VCAN: variants seen among roughly 807,000 people sequenced by gnomAD.
VCAN encodes versican core protein.
VCAN carries 44 observed loss-of-function variants against 245.5 expected under a neutral mutation model. That is an observed-to-expected ratio of 0.18 (90% CI 0.14 to 0.23). The LOEUF (loss-of-function observed/expected upper bound fraction) is 0.23, where lower values mean the gene tolerates loss of function less well. Ranked by LOEUF, VCAN falls within the 10% of genes least tolerant of loss-of-function variation. The probability of loss-of-function intolerance (pLI) is 1.00; values close to 1 mark genes in which losing one functional copy is unlikely to be tolerated. For synonymous variants in VCAN, 1,413 were observed against 1,437.0 expected, an observed-to-expected ratio of 0.98 and a Z score of 0.38; for missense variants, 3,793 against 4,057.9, an observed-to-expected ratio of 0.93 and a Z score of 1.77.
At chr5:83,548,172 G>A (rs1010382087) in intron 10 of VCAN, 88 bp downstream of exon 10, 6 of 947,844 alleles carry the variant, frequency 6.3e-6, no homozygotes, top group Non-Finnish European at 1.0e-5. Flanking sequence ...TCCTGCAGTG[G>A]AAATTCACAT....
rs747315508 is a variant in VCAN, at chr5:83,539,419, T to C, written c.6416T>C (p.Ile2139Thr). The change falls in exon 8 of 15, where the codon ATC becomes ACC. Residue 2139 changes from isoleucine (I) to threonine (T), a missense_variant. Ile to Thr is a moderately conservative substitution (Grantham distance 89). Transcript: ENST00000265077. The part of the protein sequence containing the change: ...PQNSPATEQT[I>T]FDSQTFTETE... Reference sequence around the variant, plus strand: ...AACTCTCCTGCAACAGAACAAACAATCTTTGATTCACAGACATTTACTGAA... The same window carrying C: ...AACTCTCCTGCAACAGAACAAACAACCTTTGATTCACAGACATTTACTGAA... 15 of 1,613,646 alleles carry C rather than the reference T, an allele frequency of 9.3e-6. No homozygotes were observed. Among genetic ancestry groups the C allele is most frequent in the Admixed American group, 3.3e-5 (2 of 59,886 alleles).
Position 83,582,190 on chromosome 5 carries a change from G to A in VCAN, c.*1756G>A, listed in dbSNP as rs1165505906. The A allele has an allele frequency of 6.6e-6, 1 of 152,190 alleles. No homozygotes were observed. The highest frequency in any genetic ancestry group is 1.9e-4 in the East Asian group (1 of 5,180). The allele number at this position is 152,190 out of a possible 1,614,324, so 9.4% of individuals were successfully genotyped here. On this transcript the variant is annotated 3_prime_UTR_variant, in exon 15 of 15. Coordinates refer to ENST00000265077, the MANE Select transcript of VCAN (RefSeq NM_004385.5). ...CTTTCCTGTATTTATATCATAACGT[G>A]TATAGTGTAAAATGTGAATGACTTT...
At chr5:83,559,322 T>C (rs1287587124) in intron 12 of VCAN, among the ~76,000 whole-genome samples, 1 of 152,164 alleles carries the variant, frequency 6.6e-6, no homozygotes, top group African/African-American at 2.4e-5. Flanking sequence ...ACCTTTCCCT[T>C]CCCTGGCTAT....
chr5:83,528,098 C>T (rs1300320538), intron 7 of VCAN, among the ~76,000 whole-genome samples: 1 of 152,190 alleles, frequency 6.6e-6, no homozygotes, highest in African/African-American at 2.4e-5. Flanking sequence ...ATAGGCTGTG[C>T]TCCAAAGGCA....
chr5:83,578,782 T>A (rs1406574615), intron 13 of VCAN, among the ~76,000 whole-genome samples: 1 of 152,076 alleles, frequency 6.6e-6, no homozygotes, highest in African/African-American at 2.4e-5. Context: ...AATAGAAATT[T>A]CCACTTAGGG....
intron 5 of VCAN, 29 bp downstream of exon 5, chr5:83,493,960 T>G (rs1408335858): frequency 1.2e-6 from 2 of 1,613,538 alleles, no homozygotes; most frequent in South Asian, 1.1e-5. Flanking sequence ...TATATCTTCG[T>G]ATGAACTGAG....
rs558623082 is a variant in VCAN, at chr5:83,534,928, G to T, written c.4004-2079G>T. Among the ~76,000 whole-genome samples the T allele has an allele frequency of 2.6e-5, 4 of 151,910 alleles. No individual in the cohort carries two copies. The South Asian group carries it at 8.3e-4, about 32-fold the overall frequency. On this transcript the variant is annotated intron_variant, in intron 7 of 14. Coordinates refer to ENST00000265077, the MANE Select transcript of VCAN (RefSeq NM_004385.5). ...GATGTTATCATCTGAATATTTTATG[G>T]TGTCCTATTTTAAAACATATACACC...
chr5:83,489,099 G>A (rs1350025514), intron 2 of VCAN, among the ~76,000 whole-genome samples: 2 of 149,776 alleles, frequency 1.3e-5, no homozygotes, highest in Non-Finnish European at 2.9e-5. Flanking sequence ...CACTAGCAGA[G>A]TGTTAGATAT....
At chr5:83,552,118 T>G (rs1747493637) in intron 10 of VCAN, among the ~76,000 whole-genome samples, 1 of 152,256 alleles carries the variant, frequency 6.6e-6, no homozygotes, top group South Asian at 2.1e-4. Flanking sequence ...AGTATGGTTT[T>G]AATCACTGAA....
In VCAN at chr5:83,520,482, C is replaced by T; in HGVS notation, c.2176C>T (p.Leu726Phe). ...AGAAGAAGTCTTCTCTGGGATGAAACTCTCTACATCTCTCTCAGAGCCAAT... is the reference window on the plus strand; with the variant it reads ...AGAAGAAGTCTTCTCTGGGATGAAATTCTCTACATCTCTCTCAGAGCCAAT... Reference protein sequence around the residue: ...TEEEVFSGMKLSTSLSEPIHV... With the variant: ...TEEEVFSGMKFSTSLSEPIHV... The change falls in exon 7 of 15, where the codon CTC (leucine) becomes TTC (phenylalanine). Residue 726 changes from leucine (L) to phenylalanine (F), a missense_variant. Transcript: ENST00000265077. 2 of 1,614,014 alleles carry T rather than the reference C, an allele frequency of 1.2e-6. No homozygotes were observed. The highest frequency in any genetic ancestry group is 3.3e-5 in the Admixed American group (2 of 60,010).
rs889430341 is a variant in VCAN at position 83,567,509 on chromosome 5, C to T, written c.9736-4907C>T. On this transcript the variant is annotated intron_variant, in intron 12 of 14. Coordinates refer to ENST00000265077, the MANE Select transcript of VCAN (RefSeq NM_004385.5). ...TAGAGACGGGGTTTCACTATGTTGG[C>T]CAGGCTGGTCTCGAACTCCTGACCT... Among the ~76,000 whole-genome samples, 21 of 152,036 alleles carry T rather than the reference C, an allele frequency of 1.4e-4. No homozygotes were observed. The South Asian group carries it at 2.7e-3, about 20-fold the overall frequency.
At chr5:83,506,181 A>G (rs1745478674) in intron 5 of VCAN, among the ~76,000 whole-genome samples, 1 of 152,214 alleles carries the variant, frequency 6.6e-6, no homozygotes, top group African/African-American at 2.4e-5. Flanking sequence ...CTACTTATGC[A>G]AATTTCTGCA....
chr5:83,578,070 A>C (rs1370553776), intron 13 of VCAN, among the ~76,000 whole-genome samples: 1 of 152,132 alleles, frequency 6.6e-6, no homozygotes, highest in Non-Finnish European at 1.5e-5. Context: ...ATTCCATCTG[A>C]TACTTGCTAT....
Position 83,490,106 on chromosome 5 carries a change from G to A in VCAN, c.79G>A (p.Gly27Arg). 6.2e-7 allele frequency: 1 copy of A among 1,613,812 alleles called. No individual in the cohort carries two copies. Among genetic ancestry groups the A allele is most frequent in the East Asian group, 2.2e-5 (1 of 44,868 alleles). ...TTTTCTCTTTCCTCTAGTCAAAGTG[G>A]GAAAAAGCCCACCGGTGAGGGGCTC... Reference protein sequence around the residue: ...VTHALHKVKVGKSPPVRGSLS... With the variant: ...VTHALHKVKVRKSPPVRGSLS... Residue 27 changes from glycine to arginine, a missense_variant, in exon 3 of 15, where the codon GGA becomes AGA. This residue lies in a region of VCAN where 179 missense variants were observed against 169.7 expected (regional missense o/e 1.05). Coordinates refer to ENST00000265077, the MANE Select transcript of VCAN (RefSeq NM_004385.5).
chr5:83,499,982 TTAAAGGTTTTG>T (rs908685954), intron 5 of VCAN, among the ~76,000 whole-genome samples: 6 of 152,342 alleles, frequency 3.9e-5, no homozygotes, highest in African/African-American at 1.4e-4. Context: ...TTCTAGCTTT[TTAAAGGTTTTG>T]GTTGGACCAA....
At chr5:83,532,639 A>C (rs1471765815) in intron 7 of VCAN, among the ~76,000 whole-genome samples, 1 of 152,006 alleles carries the variant, frequency 6.6e-6, no homozygotes, top group African/African-American at 2.4e-5. Context: ...AGGATTGCTC[A>C]AACTCAAGAG....
chr5:83,515,858 C>A (rs1745827241), intron 6 of VCAN, among the ~76,000 whole-genome samples: 2 of 152,232 alleles, frequency 1.3e-5, no homozygotes, highest in Admixed American at 6.5e-5. Context: ...CTAACCTTTC[C>A]CCGATTGGTA....
intron 1 of VCAN, among the ~76,000 whole-genome samples, chr5:83,476,373 C>T (rs1744390869): frequency 6.6e-6 from 1 of 152,174 alleles, no homozygotes; most frequent in African/African-American, 2.4e-5. Flanking sequence ...ACACATGGTT[C>T]TTTTGAAAGA....
chr5:83,504,384 ATTTT>A (rs557999767), intron 5 of VCAN, among the ~76,000 whole-genome samples: 1 of 140,960 alleles, frequency 7.1e-6, no homozygotes. Context: ...ACCTTGATGA[ATTTT>A]TTTTTTTTTT....
Sources: gnomAD v4.1 joint callset for allele counts (sites outside exome capture counted in the v4.1 genomes callset) on GRCh38, gnomAD v4.1.1 for gene constraint, gnomAD v4.1.1 regional missense constraint, MANE v1.5 for transcripts, NCBI Gene and HGNC (gene_info 2026-07-23, HGNC 2026-07-21) for gene names.